ZBTB20: variants seen among roughly 807,000 people sequenced by gnomAD.
ZBTB20 encodes the protein zinc finger and BTB domain containing 20.
A neutral mutation model predicts 56.9 loss-of-function variants in ZBTB20; 9 were observed. That is an observed-to-expected ratio of 0.16 (90% CI 0.10 to 0.28). The LOEUF (loss-of-function observed/expected upper bound fraction) is 0.28, where lower values mean the gene tolerates loss of function less well. Among genes scored for constraint, ZBTB20 ranks in the 10% least tolerant of loss-of-function variants. The probability of loss-of-function intolerance (pLI) is 1.00; values close to 1 mark genes in which losing one functional copy is unlikely to be tolerated. For missense variants in ZBTB20, 655 were observed against 1,003.0 expected (o/e 0.65, Z 4.69); for synonymous variants, 417 against 420.7 (o/e 0.99, Z 0.11).
intron 1 of ZBTB20, among the ~76,000 whole-genome samples, chr3:115,093,065 A>G: frequency 6.6e-6 from 1 of 152,142 alleles, no homozygotes; most frequent in East Asian, 1.9e-4. Flanking sequence ...ACAGGAAGGA[A>G]ACTGAGGGAC....
chr3:114,455,988 G>A (rs1201439381), intron 7 of ZBTB20, among the ~76,000 whole-genome samples: 1 of 151,964 alleles, frequency 6.6e-6, no homozygotes. Flanking sequence ...CCAGGCCAGT[G>A]CTCTTTCCAC....
At chr3:114,585,284 G>A (rs2055063873) in intron 6 of ZBTB20, among the ~76,000 whole-genome samples, 1 of 152,134 alleles carries the variant, frequency 6.6e-6, no homozygotes, top group African/African-American at 2.4e-5. Context: ...GTGCTCTTGA[G>A]GGGACAAGAG....
At chr3:114,596,770 G>C (rs1577850739) in intron 6 of ZBTB20, among the ~76,000 whole-genome samples, 1 of 152,222 alleles carries the variant, frequency 6.6e-6, no homozygotes, top group East Asian at 1.9e-4. Flanking sequence ...AAAGAAACAA[G>C]AAAGAAGAAA....
intron 2 of ZBTB20, among the ~76,000 whole-genome samples, chr3:115,070,421 A>G (rs1317592685): frequency 6.6e-6 from 1 of 152,178 alleles, no homozygotes; most frequent in Admixed American, 6.6e-5. Context: ...ATGACTGTAG[A>G]TAAGCATGGC....
chr3:115,049,164 T>C (rs2081448570), intron 2 of ZBTB20, among the ~76,000 whole-genome samples: 1 of 152,126 alleles, frequency 6.6e-6, no homozygotes, highest in Non-Finnish European at 1.5e-5. Flanking sequence ...TTGGGTTAAG[T>C]GCCCCTTCTT....
intron 2 of ZBTB20, among the ~76,000 whole-genome samples, chr3:114,996,074 A>G (rs1237016718): frequency 6.6e-6 from 1 of 151,910 alleles, no homozygotes; most frequent in African/African-American, 2.4e-5. Flanking sequence ...TAAAGTAAAT[A>G]AGATAGCAAT....
intron 10 of ZBTB20, among the ~76,000 whole-genome samples, chr3:114,356,583 C>T (rs2108272337): frequency 6.6e-6 from 1 of 151,524 alleles, no homozygotes; most frequent in Non-Finnish European, 1.5e-5. Flanking sequence ...CCAGAAAGCC[C>T]TTGAGCTTTC....
In ZBTB20 at chr3:115,037,279, T is replaced by G. The variant is rs1419246494; in HGVS notation, c.-507+33940A>C. ...TCTGAATCCAAAGTAAAGAAATTTT[T>G]GGGGGGGGCGGAGTGAGGAGGTGGA... is the stretch of plus-strand genomic sequence containing the variant. On this transcript the variant is annotated intron_variant, in intron 2 of 11. Transcript: ENST00000675478. Among the ~76,000 whole-genome samples, 26 of 151,464 alleles carry G rather than the reference T, an allele frequency of 1.7e-4. No individual in the cohort carries two copies. In the East Asian group the frequency reaches 3.9e-3, roughly 23 times the overall value.
chr3:115,105,762 T>TGCCTTAAGGTATAATAACATCATAAG (rs2083701481), intron 1 of ZBTB20, among the ~76,000 whole-genome samples: 1 of 152,204 alleles, frequency 6.6e-6, no homozygotes, highest in Admixed American at 6.5e-5. Flanking sequence ...TTCTATAGCC[T>TGCCTTAAGGTATAATAACATCATAAG]GAGAAAGGAA....
At chr3:114,976,149 CAAAT>C (rs938197168) in intron 2 of ZBTB20, among the ~76,000 whole-genome samples, 1 of 152,110 alleles carries the variant, frequency 6.6e-6, no homozygotes, top group Non-Finnish European at 1.5e-5. Context: ...AGACAATAAA[CAAAT>C]AAACTGTTAG....
intron 7 of ZBTB20, among the ~76,000 whole-genome samples, chr3:114,457,011 GC>G (rs2092060289): frequency 6.6e-6 from 1 of 152,212 alleles, no homozygotes; most frequent in Non-Finnish European, 1.5e-5. Context: ...TGGCTGCTAT[GC>G]CATGCCTAAA....
At chr3:114,415,119 T>A (rs543642643) in intron 7 of ZBTB20, among the ~76,000 whole-genome samples, 26 of 152,116 alleles carry the variant, frequency 1.7e-4, no homozygotes, top group African/African-American at 5.8e-4. Context: ...TAGGACAAGG[T>A]CAAAATAATC....
At chr3:114,672,712 A>C (rs2061419159) in intron 6 of ZBTB20, among the ~76,000 whole-genome samples, 1 of 152,170 alleles carries the variant, frequency 6.6e-6, no homozygotes, top group African/African-American at 2.4e-5. Context: ...GCTGTAGCGT[A>C]ATTAAAAGAG....
chr3:115,142,950 A>G (rs543323533), intron 1 of ZBTB20, among the ~76,000 whole-genome samples: 20 of 152,298 alleles, frequency 1.3e-4, no homozygotes, highest in African/African-American at 4.6e-4. Context: ...AAAAAAAGTT[A>G]TTCCACTTAA....
At chr3:114,579,412 C>A (rs1472102611) in intron 6 of ZBTB20, among the ~76,000 whole-genome samples, 1 of 151,228 alleles carries the variant, frequency 6.6e-6, no homozygotes, top group Admixed American at 6.6e-5. Context: ...ACATGGTATG[C>A]ACCTAATGAG....
chr3:114,848,916 A>C (rs988244668), intron 4 of ZBTB20, among the ~76,000 whole-genome samples: 5 of 152,254 alleles, frequency 3.3e-5, no homozygotes, highest in African/African-American at 9.6e-5. Flanking sequence ...ACAAGAGTGG[A>C]CCTTAATGAC....
chr3:115,043,197 G>C (rs1272416029), intron 2 of ZBTB20, among the ~76,000 whole-genome samples: 1 of 151,970 alleles, frequency 6.6e-6, no homozygotes, highest in Non-Finnish European at 1.5e-5. Context: ...GAATTAATGA[G>C]CCTATTTCAT....
chr3:114,704,824 C>G (rs1156502051), intron 5 of ZBTB20, among the ~76,000 whole-genome samples: 1 of 152,148 alleles, frequency 6.6e-6, no homozygotes, highest in African/African-American at 2.4e-5. Context: ...TAGACAAATG[C>G]TCTTTCTACT....
chr3:114,900,506 A>AATAC (rs1553855112), intron 3 of ZBTB20, 164 bp from the exon 4 acceptor site: 4 of 138,042 alleles, frequency 2.9e-5, no homozygotes, highest in Admixed American at 2.1e-4. Context: ...TATATCTGAA[A>AATAC]ATATATACAC....
Sources: allele counts gnomAD v4.1 joint callset (sites outside exome capture counted in the v4.1 genomes callset), GRCh38; gene constraint gnomAD v4.1.1; transcripts MANE v1.5; gene names NCBI Gene and HGNC (gene_info 2026-07-23, HGNC 2026-07-21).